The following TTC7B variants were observed in gnomAD, a reference collection of about 807,000 sequenced individuals.
TTC7B encodes tetratricopeptide repeat protein 7B.
A neutral mutation model predicts 106.8 loss-of-function variants in TTC7B; 28 were observed. That is an observed-to-expected ratio of 0.26 (90% confidence interval 0.19 to 0.36). The LOEUF is 0.36. TTC7B is among the 10% of genes least tolerant of loss of function. The probability of loss-of-function intolerance (pLI) is 1.00; values close to 1 mark genes in which losing one functional copy is unlikely to be tolerated. For missense variants in TTC7B, 862 were observed against 1,076.4 expected (o/e 0.80, Z 2.79); for synonymous variants, 405 against 430.6 (o/e 0.94, Z 0.74).
intron 3 of TTC7B, among the ~76,000 whole-genome samples, chr14:90,780,487 A>AAAGAAAGAAAGAAAGG (rs1490881541): frequency 1.1e-4 from 17 of 151,992 alleles, no homozygotes; most frequent in African/African-American, 4.1e-4. Context: ...AGAAAGAAAG[A>AAAGAAAGAAAGAAAGG]AAGGAAAGAA....
intron 5 of TTC7B, among the ~76,000 whole-genome samples, chr14:90,700,820 G>A (rs1300204530): frequency 1.3e-5 from 2 of 150,698 alleles, no homozygotes; most frequent in African/African-American, 2.4e-5. Context: ...TCTCAGGCTT[G>A]AGAATTTACG....
chr14:90,636,584 C>G (rs931525115), intron 15 of TTC7B, among the ~76,000 whole-genome samples: 19 of 151,990 alleles, frequency 1.3e-4, no homozygotes, highest in African/African-American at 4.1e-4. Flanking sequence ...ATAAAAATTT[C>G]CTCAACAAAT....
At chr14:90,558,530 T>A (rs1428523743) in intron 19 of TTC7B, among the ~76,000 whole-genome samples, 9 of 152,282 alleles carry the variant, frequency 5.9e-5, no homozygotes, top group Non-Finnish European at 1.3e-4. Flanking sequence ...CCCCCATCAC[T>A]GCCAGGGTTT....
intron 15 of TTC7B, among the ~76,000 whole-genome samples, chr14:90,636,735 A>G (rs746700421): frequency 7.9e-5 from 12 of 152,022 alleles, no homozygotes; most frequent in African/African-American, 2.7e-4. Flanking sequence ...AACAAAAGAT[A>G]AGTTGAAAAA....
intron 2 of TTC7B, among the ~76,000 whole-genome samples, chr14:90,783,390 T>A (rs1347972239): frequency 6.6e-6 from 1 of 152,152 alleles, no homozygotes; most frequent in African/African-American, 2.4e-5. Context: ...ACATTCTTTA[T>A]AAGATGGAGG....
intron 1 of TTC7B, among the ~76,000 whole-genome samples, chr14:90,793,056 T>TGAGACTGTGTTCTCAC (rs1203409777): frequency 6.6e-6 from 1 of 152,152 alleles, no homozygotes; most frequent in African/African-American, 2.4e-5. Flanking sequence ...GCTGTTCTCA[T>TGAGACTGTGTTCTCAC]GAGACTGTGT....
At chr14:90,573,455 TCC>T in intron 19 of TTC7B, among the ~76,000 whole-genome samples, 1 of 101,556 alleles carries the variant, frequency 9.8e-6, no homozygotes, top group African/African-American at 4.4e-5. Flanking sequence ...CAGCTCACGG[TCC>T]CTCTCCGGCT....
In TTC7B at chr14:90,742,168, G is replaced by A. The variant is rs1032489086; in HGVS notation, c.576+2624C>T. Among the ~76,000 whole-genome samples, 3 of 152,022 alleles carry A rather than the reference G, an allele frequency of 2.0e-5. 1 individual carries two copies. The highest frequency in any genetic ancestry group is 4.4e-5 in the Non-Finnish European group (3 of 67,998). On this transcript the variant is annotated intron_variant, in intron 4 of 19. Transcript: ENST00000328459. This position sits in a 1 kb window ranked among gnomAD's most constrained non-coding sequence, Gnocchi z 4.1. ...CAATCCTCCCACCTAAGCCTCCCAA[G>A]TAGCTGGGACTACAGGCACTTGCCA...
At chr14:90,611,455 C>T (rs1460489023) in intron 16 of TTC7B, among the ~76,000 whole-genome samples, 3 of 152,198 alleles carry the variant, frequency 2.0e-5, no homozygotes, top group Non-Finnish European at 4.4e-5. Context: ...CACAGTCATG[C>T]ACTCATTCTG....
chr14:90,741,788 G>A (rs905770172), intron 4 of TTC7B, among the ~76,000 whole-genome samples: 7 of 152,148 alleles, frequency 4.6e-5, no homozygotes, highest in African/African-American at 1.2e-4. Context: ...TATTCTCCTC[G>A]CTAGCCTTCT....
chr14:90,700,662 A>G (rs1482719057), intron 5 of TTC7B, among the ~76,000 whole-genome samples: 2 of 148,058 alleles, frequency 1.4e-5, no homozygotes, highest in Admixed American at 6.7e-5. Context: ...ACATCCCATC[A>G]TCATATACGT....
chr14:90,595,632 G>T (rs930730052), intron 17 of TTC7B, among the ~76,000 whole-genome samples: 17 of 152,162 alleles, frequency 1.1e-4, no homozygotes, highest in African/African-American at 4.1e-4. Flanking sequence ...AGAGGCTGTT[G>T]TTGCCCTATT....
At chr14:90,732,315 T>A (rs1329297330) in intron 4 of TTC7B, among the ~76,000 whole-genome samples, 2 of 152,176 alleles carry the variant, frequency 1.3e-5, no homozygotes, top group Non-Finnish European at 2.9e-5. Context: ...TGCCAGGACT[T>A]CCTGTTAGAT....
chr14:90,702,960 G>A (rs1296761509), intron 5 of TTC7B, among the ~76,000 whole-genome samples: 4 of 152,222 alleles, frequency 2.6e-5, no homozygotes, highest in South Asian at 2.1e-4. Flanking sequence ...CAGTGAGCGT[G>A]TGGAGACTGT....
rs777352654 is a variant in TTC7B at position 90,595,720 on chromosome 14, G to A, written c.1967-2094C>T. Among the ~76,000 whole-genome samples the A allele has an allele frequency of 4.1e-4, 63 of 151,888 alleles. 1 individual carries two copies. The highest frequency in any genetic ancestry group is 6.2e-4 in the Non-Finnish European group (42 of 67,986). On this transcript the variant is annotated intron_variant, in intron 17 of 19. Coordinates refer to ENST00000328459, the MANE Select transcript of TTC7B (RefSeq NM_001010854.2). ...CCTTAACTTCACATCAAAATCATTC[G>A]GGATTTAAAAAATCATGATGTTATA...
chr14:90,734,928 C>G (rs776259953), intron 4 of TTC7B, among the ~76,000 whole-genome samples: 11 of 152,258 alleles, frequency 7.2e-5, no homozygotes, highest in Non-Finnish European at 1.2e-4. Context: ...GGATTACAGG[C>G]ATGCGCCACC....
chr14:90,576,709 G>A (rs866684179), intron 19 of TTC7B, among the ~76,000 whole-genome samples: 16 of 152,122 alleles, frequency 1.1e-4, no homozygotes, highest in African/African-American at 3.4e-4. Flanking sequence ...GATGTAACTT[G>A]TAAGCAGACA....
In TTC7B at chr14:90,662,458, C is replaced by T. The variant is rs145003974; in HGVS notation, c.1153-4071G>A. Reference sequence around the variant, plus strand: ...ACCTACAGCCAAGGCCCCGAAGGTACGCCCATTCAAACACTTCAGGCTCCT... The same window carrying T: ...ACCTACAGCCAAGGCCCCGAAGGTATGCCCATTCAAACACTTCAGGCTCCT... On this transcript the variant is annotated intron_variant, in intron 9 of 19. Transcript: ENST00000328459. Among the ~76,000 whole-genome samples the T allele has an allele frequency of 5.3e-4, 81 of 152,348 alleles. No homozygotes were observed. In the East Asian group the frequency reaches 0.011, roughly 21 times the overall value.
intron 19 of TTC7B, among the ~76,000 whole-genome samples, chr14:90,545,416 G>C (rs541913225): frequency 6.6e-6 from 1 of 152,314 alleles, no homozygotes; most frequent in South Asian, 2.1e-4. Flanking sequence ...TCCTCTCCAA[G>C]GCACAGCTTC....
Sources: gnomAD v4.1 joint callset for allele counts (sites outside exome capture counted in the v4.1 genomes callset) on GRCh38, gnomAD v4.1.1 for gene constraint, Gnocchi (gnomAD v3.1) non-coding constraint, MANE v1.5 for transcripts, NCBI Gene and HGNC (gene_info 2026-07-23, HGNC 2026-07-21) for gene names.